Variants in PXDNL observed in about 807,000 individuals in gnomAD.
The protein encoded by PXDNL is peroxidasin like, also known as probable oxidoreductase PXDNL.
Under a neutral mutation model 150.8 loss-of-function variants are expected in PXDNL, and 145 were observed. That is an observed-to-expected ratio of 0.96 (90% CI 0.84 to 1.10). The LOEUF (loss-of-function observed/expected upper bound fraction) is 1.10. Ranked by LOEUF, PXDNL falls within the 50% of genes least tolerant of loss-of-function variation. The probability of loss-of-function intolerance (pLI) is 0.00; values close to 1 mark genes in which losing one functional copy is unlikely to be tolerated. For missense variants in PXDNL, 2,087 were observed against 1,873.9 expected (o/e 1.11, Z -2.10); for synonymous variants, 757 against 725.7 (o/e 1.04, Z -0.69).
chr8:51,689,871 A>G (rs1815954031), intron 1 of PXDNL, among the ~76,000 whole-genome samples: 1 of 152,226 alleles, frequency 6.6e-6, no homozygotes, highest in Non-Finnish European at 1.5e-5. Context: ...CATCTCTGAT[A>G]AATACGAGCC....
At chr8:51,745,757 C>CA (rs1255968420) in intron 1 of PXDNL, among the ~76,000 whole-genome samples, 4 of 87,526 alleles carry the variant, frequency 4.6e-5, no homozygotes, top group Admixed American at 3.4e-4. Context: ...CCACCACTAC[C>CA]ATTTTTTTTT....
At chr8:51,714,974 C>T (rs761556383) in intron 1 of PXDNL, among the ~76,000 whole-genome samples, 3 of 152,100 alleles carry the variant, frequency 2.0e-5, no homozygotes, top group Admixed American at 1.3e-4. Flanking sequence ...AAATGAAAAC[C>T]CTTCATGAGT....
At chr8:51,506,888 G>A (rs576388591) in intron 4 of PXDNL, among the ~76,000 whole-genome samples, 15 of 152,166 alleles carry the variant, frequency 9.9e-5, no homozygotes, top group African/African-American at 3.6e-4. Context: ...ATAAGTCTGA[G>A]CACCCTCTAA....
At chr8:51,538,958 C>T (rs1008426002) in intron 4 of PXDNL, among the ~76,000 whole-genome samples, 1 of 151,974 alleles carries the variant, frequency 6.6e-6, no homozygotes, top group South Asian at 2.1e-4. Flanking sequence ...GAATTCCTTC[C>T]ATTTATTTTC....
At chr8:51,452,759 A>G (rs569626393) in intron 10 of PXDNL, among the ~76,000 whole-genome samples, 1 of 152,354 alleles carries the variant, frequency 6.6e-6, no homozygotes, top group South Asian at 2.1e-4. Flanking sequence ...GGAAGCCCCT[A>G]AAACGGATCA....
intron 1 of PXDNL, among the ~76,000 whole-genome samples, chr8:51,674,754 T>G (rs1815572793): frequency 6.6e-6 from 1 of 152,236 alleles, no homozygotes; most frequent in Non-Finnish European, 1.5e-5. Flanking sequence ...CTGTGCAGCC[T>G]TCTTACACTT....
At chr8:51,401,151 C>A (rs1320243575) in intron 17 of PXDNL, among the ~76,000 whole-genome samples, 1 of 152,176 alleles carries the variant, frequency 6.6e-6, no homozygotes, top group East Asian at 1.9e-4. Context: ...AGCAGAAATA[C>A]TGTGCAATGA....
intron 5 of PXDNL, among the ~76,000 whole-genome samples, chr8:51,497,793 G>A: frequency 6.6e-6 from 1 of 152,208 alleles, no homozygotes; most frequent in Non-Finnish European, 1.5e-5. Context: ...AGGTGCTGGA[G>A]AGGATGTGGA....
intron 1 of PXDNL, among the ~76,000 whole-genome samples, chr8:51,763,473 T>C (rs2037189682): frequency 6.6e-6 from 1 of 152,232 alleles, no homozygotes; most frequent in South Asian, 2.1e-4. Flanking sequence ...CTGCACATGC[T>C]GGCAGGTCAC....
chr8:51,479,679 G>A (rs1810556912), intron 6 of PXDNL, among the ~76,000 whole-genome samples: 1 of 152,182 alleles, frequency 6.6e-6, no homozygotes, highest in Non-Finnish European at 1.5e-5. Flanking sequence ...CACGGACGTA[G>A]GGAGTGAAAT....
intron 3 of PXDNL, among the ~76,000 whole-genome samples, chr8:51,577,994 A>G (rs1460806597): frequency 0.019 from 1,072 of 55,638 alleles, 4 homozygotes; most frequent in Non-Finnish European, 0.025. Flanking sequence ...AAAGAAAGAA[A>G]GAAAGAGGAA....
chr8:51,515,592 T>A (rs1811519421), intron 4 of PXDNL, among the ~76,000 whole-genome samples: 1 of 152,198 alleles, frequency 6.6e-6, no homozygotes, highest in Non-Finnish European at 1.5e-5. Context: ...CTCTTCCTCT[T>A]GTCCTCCCTC....
chr8:51,612,211 C>T (rs1645315156), intron 2 of PXDNL, among the ~76,000 whole-genome samples: 1 of 152,172 alleles, frequency 6.6e-6, no homozygotes, highest in Admixed American at 6.5e-5. Flanking sequence ...GCCTCCACTC[C>T]TCCTCTCTTT....
chr8:51,599,769 T>G (rs1312163194), intron 2 of PXDNL, among the ~76,000 whole-genome samples: 2 of 144,566 alleles, frequency 1.4e-5, no homozygotes, highest in Non-Finnish European at 3.0e-5. Context: ...TATAATAAAT[T>G]ATATCTTATA....
At chr8:51,394,021 A>C (rs1807995479) in intron 17 of PXDNL, among the ~76,000 whole-genome samples, 1 of 152,248 alleles carries the variant, frequency 6.6e-6, no homozygotes, top group Non-Finnish European at 1.5e-5. Context: ...ATATAGATTC[A>C]GATTAAAACC....
rs76798330 is a variant in PXDNL, at chr8:51,710,374, A to G, written c.165-55614T>C. Among the ~76,000 whole-genome samples, 33 of 152,358 alleles carry G rather than the reference A, an allele frequency of 2.2e-4. No homozygotes were observed. The East Asian group carries it at 6.4e-3, about 29-fold the overall frequency. On this transcript the variant is annotated intron_variant, in intron 1 of 22. Transcript: ENST00000356297. ...TACTACATGATGCTTTGATATATGT[A>G]TATATTCTGGAATAGCTATATCAGG... is the stretch of plus-strand genomic sequence containing the variant.
chr8:51,332,345 C>A (rs539609014), intron 21 of PXDNL, among the ~76,000 whole-genome samples: 1 of 152,282 alleles, frequency 6.6e-6, no homozygotes, highest in East Asian at 1.9e-4. Context: ...CAGCCCTAGA[C>A]CTTCCCTCTG....
At chr8:51,590,474 T>C (rs76454022) in intron 3 of PXDNL, among the ~76,000 whole-genome samples, 3,669 of 152,222 alleles carry the variant, frequency 0.024, 158 homozygotes, top group African/African-American at 0.083. Context: ...AACTGAAGCA[T>C]GGCTGAGCCC....
At chr8:51,676,524 G>A (rs542299907) in intron 1 of PXDNL, among the ~76,000 whole-genome samples, 27 of 152,108 alleles carry the variant, frequency 1.8e-4, no homozygotes, top group Admixed American at 1.2e-3. Context: ...TGATCTGCCC[G>A]CCCTGGCCTC....
Sources: gnomAD v4.1 joint callset for allele counts (sites outside exome capture counted in the v4.1 genomes callset) on GRCh38, gnomAD v4.1.1 for gene constraint, MANE v1.5 for transcripts, NCBI Gene and HGNC (gene_info 2026-07-23, HGNC 2026-07-21) for gene names.